Variants in KIRREL3 observed in about 807,000 individuals in gnomAD.
The protein encoded by KIRREL3 is kirre like nephrin family adhesion molecule 3, also known as kin of IRRE-like protein 3.
In KIRREL3, 36 loss-of-function variants were observed where a neutral mutation model predicts 89.7. The ratio of observed to expected loss-of-function variants is 0.40; its 90% CI spans 0.31 to 0.53. The LOEUF is 0.53. Among genes scored for constraint, KIRREL3 ranks in the 20% least tolerant of loss-of-function variants. The probability of loss-of-function intolerance (pLI) is 0.49; values close to 1 mark genes in which losing one functional copy is unlikely to be tolerated. For synonymous variants in KIRREL3, 445 were observed against 441.4 expected, an observed-to-expected ratio of 1.01 and a Z score of -0.10; for missense variants, 864 against 1,056.6, an observed-to-expected ratio of 0.82 and a Z score of 2.53.
In KIRREL3 at chr11:126,867,929, C is replaced by G. The variant is rs1282999190; in HGVS notation, c.55+132526G>C. Among the ~76,000 whole-genome samples, 1 of 152,092 alleles carries G rather than the reference C, an allele frequency of 6.6e-6. No homozygotes were observed. Among genetic ancestry groups the G allele is most frequent in the Admixed American group, 6.5e-5 (1 of 15,280 alleles). ...TCCCCTACAGCACCTAACCTCAGAG[C>G]TAGACATGCAATAGGCATTCAATAT... On this transcript the variant is annotated intron_variant, in intron 1 of 16. Transcript: ENST00000525144. The surrounding 1 kb of genome is among the most constrained non-coding windows in gnomAD (Gnocchi z 4.7).
chr11:126,792,066 G>A (rs1332669893), intron 1 of KIRREL3, among the ~76,000 whole-genome samples: 3 of 152,178 alleles, frequency 2.0e-5, no homozygotes, highest in Admixed American at 2.0e-4. Flanking sequence ...GCTCTTAGCT[G>A]GCTAGTAAGG....
Position 126,551,451 on chromosome 11 carries a change from G to A in KIRREL3, c.133+11384C>T, listed in dbSNP as rs1439696032. Among the ~76,000 whole-genome samples the A allele has an allele frequency of 6.6e-6, 1 of 152,120 alleles. No homozygotes were observed. Among genetic ancestry groups the A allele is most frequent in the Non-Finnish European group, 1.5e-5 (1 of 68,044 alleles). ...GCAAGGGCTATGGGAGTTATGAGCC[G>A]GGAACCGTGGATGAAATCCCCCCAC... On this transcript the variant is annotated intron_variant, in intron 2 of 16. Coordinates refer to ENST00000525144, the MANE Select transcript of KIRREL3 (RefSeq NM_032531.4). This position sits in a 1 kb window ranked among gnomAD's most constrained non-coding sequence, Gnocchi z 4.9.
chr11:126,657,125 T>C (rs896245719), intron 1 of KIRREL3, among the ~76,000 whole-genome samples: 3 of 152,040 alleles, frequency 2.0e-5, no homozygotes, highest in African/African-American at 2.4e-5. Context: ...CTGTATTGTG[T>C]TTAATTTTCA....
rs1793660 is a variant in KIRREL3, at chr11:126,918,691, A to G, written c.55+81764T>C. ...CTATTCCATTCTTCATCTCTGTGAC[A>G]TGGCAGACATTACTAATCAAGGATA... On this transcript the variant is annotated intron_variant, in intron 1 of 16. Coordinates refer to ENST00000525144, the MANE Select transcript of KIRREL3 (RefSeq NM_032531.4). This position sits in a 1 kb window ranked among gnomAD's most constrained non-coding sequence, Gnocchi z 6.5. 0.21 allele frequency among the ~76,000 whole-genome samples: 31,856 copies of G among 152,190 alleles called. 3,539 individuals are homozygous for G. The highest frequency in any genetic ancestry group is 0.31 in the Middle Eastern group (91 of 294).
intron 2 of KIRREL3, chr11:126,549,759 G>A (rs1412696168): frequency 6.6e-6 from 1 of 152,162 alleles, no homozygotes; most frequent in Non-Finnish European, 1.5e-5. Context: ...CAAGTCACTG[G>A]GTCCCCTCGT....
rs1219543165 is a variant in KIRREL3, at chr11:126,970,831, T to C, written c.55+29624A>G. Among the ~76,000 whole-genome samples, 2 of 152,148 alleles carry C rather than the reference T, an allele frequency of 1.3e-5. No homozygotes were observed. The highest frequency in any genetic ancestry group is 2.4e-5 in the African/African-American group (1 of 41,434). ...CAAATAAGTGATATCTAAGGACCCA[T>C]AGAAACACTTGCAAATTAGGATCCA... On this transcript the variant is annotated intron_variant, in intron 1 of 16. Coordinates refer to ENST00000525144, the MANE Select transcript of KIRREL3 (RefSeq NM_032531.4). This position sits in a 1 kb window ranked among gnomAD's most constrained non-coding sequence, Gnocchi z 4.4.
rs1397697227 is a variant in KIRREL3, at chr11:126,564,330, AAG to A, written c.56-1420_56-1419del. Among the ~76,000 whole-genome samples the A allele has an allele frequency of 6.6e-6, 1 of 152,180 alleles. No homozygotes were observed. Among genetic ancestry groups the A allele is most frequent in the Non-Finnish European group, 1.5e-5 (1 of 68,030 alleles). On this transcript the variant is annotated intron_variant, in intron 1 of 16. Coordinates refer to ENST00000525144, the MANE Select transcript of KIRREL3 (RefSeq NM_032531.4). The surrounding 1 kb of genome is among the most constrained non-coding windows in gnomAD (Gnocchi z 7.4). Reference sequence around the variant, plus strand: ...CCACCCACCAAGCATAGCAGGATGAAAGAGAGTGCAGGGCCCATGAGACACAG... The same window carrying A: ...CCACCCACCAAGCATAGCAGGATGAAAGAGTGCAGGGCCCATGAGACACAG...
At position 126,995,417 on chromosome 11, in the gene KIRREL3, C is replaced by G; in HGVS notation, c.55+5038G>C. 2.3e-6 allele frequency: 1 copy of G among 437,266 alleles called. No individual in the cohort carries two copies. 27.1% of individuals were successfully genotyped at this position (437,266 alleles called of 1,614,324 possible). ...GGCACAGGACGAGTTCAGTGCCTCT[C>G]TGTTTCTTGATGGACCCCAATAAAA... On this transcript the variant is annotated intron_variant, in intron 1 of 16. Coordinates refer to ENST00000525144, the MANE Select transcript of KIRREL3 (RefSeq NM_032531.4). This position sits in a 1 kb window ranked among gnomAD's most constrained non-coding sequence, Gnocchi z 6.5.
intron 1 of KIRREL3, among the ~76,000 whole-genome samples, chr11:126,910,801 G>T (rs893223564): frequency 3.3e-5 from 5 of 152,208 alleles, no homozygotes; most frequent in African/African-American, 9.6e-5. Context: ...CCATGTGTCA[G>T]GCTCCATTCA....
chr11:126,599,169 T>G (rs1942532722), intron 1 of KIRREL3, among the ~76,000 whole-genome samples: 1 of 152,176 alleles, frequency 6.6e-6, no homozygotes, highest in African/African-American at 2.4e-5. Context: ...CATTGGCCCC[T>G]CTTAGGGCTC....
At chr11:126,839,801 C>G (rs1943903434) in intron 1 of KIRREL3, among the ~76,000 whole-genome samples, 1 of 152,186 alleles carries the variant, frequency 6.6e-6, no homozygotes, top group South Asian at 2.1e-4. Context: ...CTAAAATGTA[C>G]ATGCACGCTC....
rs914061638 is a variant in KIRREL3 at position 126,641,036 on chromosome 11, C to T, written c.56-78124G>A. On this transcript the variant is annotated intron_variant, in intron 1 of 16. Transcript: ENST00000525144. The surrounding 1 kb of genome is among the most constrained non-coding windows in gnomAD (Gnocchi z 5.0). Reference sequence around the variant, plus strand: ...CAGGCATCTCAAATTTCACATGCTCCGAAAAGAACTCCTGGTCTTCTCCCA... The same window carrying T: ...CAGGCATCTCAAATTTCACATGCTCTGAAAAGAACTCCTGGTCTTCTCCCA... 3.3e-5 allele frequency among the ~76,000 whole-genome samples: 5 copies of T among 152,122 alleles called. No homozygotes were observed. The highest frequency in any genetic ancestry group is 4.8e-5 in the African/African-American group (2 of 41,428).
Position 126,473,588 on chromosome 11 carries a change from A to G in KIRREL3, c.434-122T>C, listed in dbSNP as rs1003599931. ...TAATTATCACACATTAATAAAACGC[A>G]TCGTCCGCTTGTATCGTAATGATGA... is the stretch of plus-strand genomic sequence containing the variant. On this transcript the variant is annotated intron_variant, in intron 4 of 16. Transcript: ENST00000525144. 17 of 797,040 alleles carry G rather than the reference A, an allele frequency of 2.1e-5. No individual in the cohort carries two copies. In the South Asian group the frequency reaches 3.4e-4, roughly 16 times the overall value. 49.4% of individuals were successfully genotyped at this position (797,040 alleles called of 1,614,324 possible). A position where few individuals can be genotyped will look rare whatever the true frequency, so the allele number is the denominator to read the frequency against.
upstream of KIRREL3, chr11:127,003,361 C>T (rs960829383): frequency 9.8e-5 from 15 of 153,216 alleles, no homozygotes; most frequent in South Asian, 4.1e-4. Context: ...CTCGGTTAGC[C>T]TCCTGGCGCT....
At position 126,891,555 on chromosome 11, in the gene KIRREL3, C is replaced by T. The variant is rs377605972; in HGVS notation, c.55+108900G>A. Among the ~76,000 whole-genome samples the T allele has an allele frequency of 9.2e-5, 14 of 152,276 alleles. No individual in the cohort carries two copies. Among genetic ancestry groups the T allele is most frequent in the East Asian group, 1.9e-4 (1 of 5,172 alleles). ...TTGGAAAGAGATGCACAGGGTGCTC[C>T]GACTGTTAGTCTGTCCTGCTATCAC... On this transcript the variant is annotated intron_variant, in intron 1 of 16. Coordinates refer to ENST00000525144, the MANE Select transcript of KIRREL3 (RefSeq NM_032531.4). The surrounding 1 kb of genome is among the most constrained non-coding windows in gnomAD (Gnocchi z 5.1).
rs961503204 is a variant in KIRREL3 at position 126,909,412 on chromosome 11, G to C, written c.55+91043C>G. 6.6e-6 allele frequency among the ~76,000 whole-genome samples: 1 copy of C among 152,170 alleles called. No individual in the cohort carries two copies. Among genetic ancestry groups the C allele is most frequent in the Non-Finnish European group, 1.5e-5 (1 of 68,030 alleles). ...ATATCTGTAGCTCCACCTCAGGCAC[G>C]GTGCCCAGCTCCCAGCATACCCACA... is the stretch of plus-strand genomic sequence containing the variant. On this transcript the variant is annotated intron_variant, in intron 1 of 16. Transcript: ENST00000525144. The surrounding 1 kb of genome is among the most constrained non-coding windows in gnomAD (Gnocchi z 4.5).
chr11:126,588,803 A>C (rs1941995717), intron 1 of KIRREL3, among the ~76,000 whole-genome samples: 1 of 152,200 alleles, frequency 6.6e-6, no homozygotes, highest in Non-Finnish European at 1.5e-5. Context: ...CATGCTCAGG[A>C]AATATACGTC....
At chr11:126,444,116 C>T (rs1352467287) in intron 10 of KIRREL3, among the ~76,000 whole-genome samples, 1 of 152,222 alleles carries the variant, frequency 6.6e-6, no homozygotes, top group Non-Finnish European at 1.5e-5. Context: ...GTGTGATGCC[C>T]TTGTCCCTAC....
intron 1 of KIRREL3, among the ~76,000 whole-genome samples, chr11:126,746,740 A>G (rs1198431219): frequency 6.6e-6 from 1 of 152,190 alleles, no homozygotes; most frequent in Non-Finnish European, 1.5e-5. Flanking sequence ...GCTCAAGTTC[A>G]GGCCCTCGTT....
Sources: allele counts gnomAD v4.1 joint callset (sites outside exome capture counted in the v4.1 genomes callset), GRCh38; gene constraint gnomAD v4.1.1; non-coding constraint Gnocchi (gnomAD v3.1); transcripts MANE v1.5; gene names NCBI Gene and HGNC (gene_info 2026-07-23, HGNC 2026-07-21).